The following SPPL3 variants were observed in gnomAD, a reference collection of about 807,000 sequenced individuals.
The protein encoded by SPPL3 is signal peptide peptidase-like 3.
In SPPL3, 5 loss-of-function variants were observed where a neutral mutation model predicts 42.4. That is an observed-to-expected ratio of 0.12 (90% CI 0.06 to 0.25). The LOEUF is 0.25. SPPL3 is among the 10% of genes least tolerant of loss of function. The pLI is 1.00. For missense variants in SPPL3, 235 were observed against 489.0 expected, an observed-to-expected ratio of 0.48 and a Z score of 4.90; for synonymous variants, 195 against 181.8, an observed-to-expected ratio of 1.07 and a Z score of -0.58.
chr12:120,853,618 G>C (rs1010905343), intron 1 of SPPL3, among the ~76,000 whole-genome samples: 4 of 152,110 alleles, frequency 2.6e-5, no homozygotes, highest in African/African-American at 9.7e-5. Context: ...TAAATTCATG[G>C]ATCTTCTAGA....
chr12:120,898,212 G>A (rs1188230503), intron 1 of SPPL3, among the ~76,000 whole-genome samples: 2 of 148,524 alleles, frequency 1.3e-5, no homozygotes, highest in African/African-American at 5.0e-5. Context: ...ACTGAGACAC[G>A]AGAATTGCTC....
intron 1 of SPPL3, among the ~76,000 whole-genome samples, chr12:120,899,757 G>C (rs1171702206): frequency 6.6e-6 from 1 of 151,848 alleles, no homozygotes. Context: ...GCCGGGCATG[G>C]TGGTACACGC....
chr12:120,828,415 T>C (rs1871293734), intron 1 of SPPL3, among the ~76,000 whole-genome samples: 2 of 139,424 alleles, frequency 1.4e-5, no homozygotes, highest in Admixed American at 7.1e-5. Context: ...TAAAAAAAAC[T>C]AGAAAAAAAA....
intron 8 of SPPL3, 132 bp from the exon 9 acceptor site, chr12:120,767,725 G>A: frequency 1.1e-6 from 1 of 908,460 alleles, no homozygotes; most frequent in East Asian, 2.6e-5. Flanking sequence ...CTCTTCTGAT[G>A]GAACATTAGT....
At chr12:120,824,366 A>G (rs1871175255) in intron 1 of SPPL3, among the ~76,000 whole-genome samples, 1 of 152,160 alleles carries the variant, frequency 6.6e-6, no homozygotes, top group East Asian at 1.9e-4. Flanking sequence ...AAAAAGACAA[A>G]AAAGTGTTAG....
At chr12:120,780,975 G>A (rs920542386) in intron 6 of SPPL3, among the ~76,000 whole-genome samples, 1 of 152,202 alleles carries the variant, frequency 6.6e-6, no homozygotes, top group Admixed American at 6.5e-5. Context: ...CAGCCTCCAA[G>A]ATGCTTTGGT....
chr12:120,802,974 CAACA>C (rs553863713), intron 2 of SPPL3, among the ~76,000 whole-genome samples: 36 of 152,186 alleles, frequency 2.4e-4, no homozygotes, highest in Admixed American at 9.8e-4. Flanking sequence ...ACAATTCATT[CAACA>C]AACACTTATT....
At chr12:120,903,801 C>A in intron 1 of SPPL3, 44 bp downstream of exon 1, 1 of 1,447,992 alleles carries the variant, frequency 6.9e-7, no homozygotes, top group Admixed American at 2.5e-5. Flanking sequence ...GCGCCCCGAC[C>A]CCCACCCTTG....
At chr12:120,849,547 A>G (rs1264571181) in intron 1 of SPPL3, among the ~76,000 whole-genome samples, 1 of 152,210 alleles carries the variant, frequency 6.6e-6, no homozygotes, top group African/African-American at 2.4e-5. Context: ...TTTGAATTTT[A>G]CTTAGAAAAT....
chr12:120,765,127 T>TC, intron 10 of SPPL3, 57 bp from the exon 11 acceptor site: 1 of 1,541,140 alleles, frequency 6.5e-7, no homozygotes, highest in Non-Finnish European at 8.8e-7. Context: ...CACACAGCTG[T>TC]CTGATTCTTT....
intron 1 of SPPL3, among the ~76,000 whole-genome samples, chr12:120,863,137 C>G (rs1177562783): frequency 6.6e-6 from 1 of 152,114 alleles, no homozygotes; most frequent in East Asian, 1.9e-4. Context: ...CACCTGAGGT[C>G]AGGAGTTTGA....
intron 1 of SPPL3, among the ~76,000 whole-genome samples, chr12:120,828,321 A>C (rs944025544): frequency 2.0e-5 from 3 of 152,204 alleles, no homozygotes; most frequent in Non-Finnish European, 4.4e-5. Context: ...AGGCAGCTAA[A>C]GCAATGTTTA....
At chr12:120,850,492 T>A (rs1201937413) in intron 1 of SPPL3, among the ~76,000 whole-genome samples, 13 of 119,390 alleles carry the variant, frequency 1.1e-4, no homozygotes, top group African/African-American at 1.5e-4. Context: ...GACCAGCCTT[T>A]AAAAAAAAAA....
intron 1 of SPPL3, among the ~76,000 whole-genome samples, chr12:120,888,335 C>CCT: frequency 6.6e-6 from 1 of 152,154 alleles, no homozygotes; most frequent in Non-Finnish European, 1.5e-5. Context: ...CTCAGCCTTT[C>CCT]AAAGTGCTGG....
chr12:120,859,561 CAAAT>C (rs1056728711), intron 1 of SPPL3, among the ~76,000 whole-genome samples: 5 of 152,188 alleles, frequency 3.3e-5, no homozygotes, highest in African/African-American at 1.2e-4. Flanking sequence ...CCACTGATAT[CAAAT>C]AATTCTTTTT....
At chr12:120,814,977 TTTTTGTTTTG>T (rs199854710) in intron 1 of SPPL3, among the ~76,000 whole-genome samples, 2 of 150,884 alleles carry the variant, frequency 1.3e-5, no homozygotes, top group Admixed American at 6.6e-5. Context: ...TGCCCCACAG[TTTTTGTTTTG>T]TTTTGTTTTG....
At chr12:120,791,640 G>T in intron 2 of SPPL3, 83 bp from the exon 3 acceptor site, 1 of 856,990 alleles carries the variant, frequency 1.2e-6, no homozygotes, top group Non-Finnish European at 1.9e-6. Context: ...ATTTTTAAAT[G>T]CCAAGGAATT....
At chr12:120,840,930 A>G (rs1871802607) in intron 1 of SPPL3, among the ~76,000 whole-genome samples, 1 of 136,864 alleles carries the variant, frequency 7.3e-6, no homozygotes, top group Non-Finnish European at 1.6e-5. Flanking sequence ...ACAGAGTGAG[A>G]CTCCATTTCA....
chr12:120,874,370 T>C (rs764656140), intron 1 of SPPL3, among the ~76,000 whole-genome samples: 1 of 149,572 alleles, frequency 6.7e-6, no homozygotes, highest in Non-Finnish European at 1.5e-5. Flanking sequence ...GGAGAATTGA[T>C]TGAACCTGGG....
Sources: allele counts gnomAD v4.1 joint callset (sites outside exome capture counted in the v4.1 genomes callset), GRCh38; gene constraint gnomAD v4.1.1; transcripts MANE v1.5; gene names NCBI Gene and HGNC (gene_info 2026-07-23, HGNC 2026-07-21).